Variants in ATG4A observed in about 807,000 individuals in gnomAD.
ATG4A encodes cysteine protease ATG4A.
ATG4A carries 22 observed loss-of-function variants against 38.4 expected under a neutral mutation model. The ratio of observed to expected loss-of-function variants is 0.57; its 90% CI spans 0.41 to 0.82. The LOEUF (loss-of-function observed/expected upper bound fraction) is 0.82. ATG4A is among the 40% of genes least tolerant of loss of function. The pLI is 0.00. For missense variants in ATG4A, 220 were observed against 290.0 expected (o/e 0.76, Z 1.75); for synonymous variants, 86 against 100.7 (o/e 0.85, Z 0.88).
chrX:108,097,654 T>C (rs1354381779), intron 1 of ATG4A, among the ~76,000 whole-genome samples: 1 of 112,236 alleles, frequency 8.9e-6, no homozygotes, highest in Non-Finnish European at 1.9e-5. Context: ...ACTAAATATT[T>C]TACCCAATGC....
At chrX:108,144,079 CAG>C (rs1410718967) in intron 9 of ATG4A, among the ~76,000 whole-genome samples, 1 of 109,283 alleles carries the variant, frequency 9.2e-6, no homozygotes, top group East Asian at 2.9e-4. Flanking sequence ...GTGCCTTGGT[CAG>C]AGTCTGTGTG....
chrX:108,122,799 C>T (rs1306643646), intron 1 of ATG4A, among the ~76,000 whole-genome samples: 7 of 112,263 alleles, frequency 6.2e-5, no homozygotes, highest in Middle Eastern at 4.6e-3. Context: ...TTCCAGCTAA[C>T]CACAAAGCTT....
At chrX:108,141,966 A>G (rs748653192) in intron 9 of ATG4A, among the ~76,000 whole-genome samples, 2 of 111,804 alleles carry the variant, frequency 1.8e-5, no homozygotes, top group East Asian at 5.6e-4. Context: ...GATTAGATAA[A>G]TAAAATGTGT....
At chrX:108,114,706 C>T (rs2032455819) in intron 1 of ATG4A, among the ~76,000 whole-genome samples, 1 of 111,619 alleles carries the variant, frequency 9.0e-6, no homozygotes, top group South Asian at 3.7e-4. Flanking sequence ...TGGAAAGTCC[C>T]TAGTTAGAGG....
Position 108,131,227 on chromosome X carries a change from AC to A in ATG4A, c.194-30del, listed in dbSNP as rs779498018. 3 of 1,170,437 alleles carry A rather than the reference AC, an allele frequency of 2.6e-6. No individual in the cohort carries two copies. The South Asian group carries it at 5.4e-5, about 21-fold the overall frequency. ...GTTTCAGGAAAGGGCAATTTGAGGA[AC>A]CCATATTAATTCCCTTCCATTTTGC... is the stretch of plus-strand genomic sequence containing the variant. On this transcript the variant is annotated intron_variant, in intron 3 of 12. Transcript: ENST00000372232.
chrX:108,090,302 A>G (rs2031568974), upstream of ATG4A, among the ~76,000 whole-genome samples: 1 of 112,139 alleles, frequency 8.9e-6, no homozygotes, highest in Admixed American at 9.4e-5. Context: ...TAAATCAGGA[A>G]CCAGACGAGA....
At chrX:108,129,373 A>G (rs1447231571) in intron 3 of ATG4A, among the ~76,000 whole-genome samples, 1 of 111,798 alleles carries the variant, frequency 8.9e-6, no homozygotes, top group Non-Finnish European at 1.9e-5. Context: ...ACAGCTCAAT[A>G]GGTGAAGTGA....
Position 108,126,542 on chromosome X carries a change from A to G in ATG4A, c.121+355A>G, listed in dbSNP as rs758845433. On this transcript the variant is annotated intron_variant, in intron 2 of 12. Coordinates refer to ENST00000372232, the MANE Select transcript of ATG4A (RefSeq NM_052936.5). ...CTCCTGGTATCACTAATCAGTCTCT[A>G]GCCTTTCGTGACTGGTCTACATATT... Among the ~76,000 whole-genome samples, 3 of 112,113 alleles carry G rather than the reference A, an allele frequency of 2.7e-5. No homozygotes were observed. The South Asian group carries it at 1.1e-3, about 42-fold the overall frequency.
At chrX:108,145,983 A>G (rs1382327140) in intron 9 of ATG4A, among the ~76,000 whole-genome samples, 3 of 111,951 alleles carry the variant, frequency 2.7e-5, no homozygotes, top group East Asian at 2.8e-4. Context: ...CCTGGAATCA[A>G]TGTCAGCTCA....
chrX:108,125,189 T>C (rs930442422), intron 1 of ATG4A, among the ~76,000 whole-genome samples: 2 of 110,770 alleles, frequency 1.8e-5, no homozygotes, highest in African/African-American at 6.6e-5. Flanking sequence ...AGATGGGGGT[T>C]GGCACTGAAA....
At chrX:108,113,276 A>G (rs181983617) in intron 1 of ATG4A, among the ~76,000 whole-genome samples, 2 of 111,711 alleles carry the variant, frequency 1.8e-5, no homozygotes, top group African/African-American at 3.3e-5. Context: ...TGGGGATACT[A>G]GAAAGAATAG....
chrX:108,123,404 T>C (rs761027140), intron 1 of ATG4A, among the ~76,000 whole-genome samples: 1 of 112,343 alleles, frequency 8.9e-6, no homozygotes, highest in South Asian at 3.7e-4. Context: ...AGTAATTGTA[T>C]TGGAAATGAT....
intron 9 of ATG4A, among the ~76,000 whole-genome samples, chrX:108,148,086 A>G (rs1351610673): frequency 2.4e-5 from 2 of 82,287 alleles, no homozygotes; most frequent in Non-Finnish European, 2.5e-5. Flanking sequence ...TGAGTTTATT[A>G]AGTATTAACT....
chrX:108,153,829 C>G lies in ATG4A; in HGVS notation c.*117C>G, dbSNP rs2033645956. The G allele has an allele frequency of 5.7e-6, 3 of 526,236 alleles. No individual in the cohort carries two copies. In the East Asian group the frequency reaches 1.0e-4, roughly 18 times the overall value. The allele number at this position is 526,236 out of a possible 1,213,427, so 43.4% of individuals were successfully genotyped here. On this transcript the variant is annotated 3_prime_UTR_variant, in exon 13 of 13. Transcript: ENST00000372232. ...CTGATATGCCAATAGCATACAAACT[C>G]AATAGCAATCATGACTGAGCCAATC...
chrX:108,095,339 C>T (rs910176669), intron 1 of ATG4A, among the ~76,000 whole-genome samples: 2 of 112,229 alleles, frequency 1.8e-5, no homozygotes, highest in Non-Finnish European at 3.8e-5. Flanking sequence ...ATCCTGTCAT[C>T]TCAGCCTCTG....
At chrX:108,141,058 GTGTATATATATACATATATATATATATA>G (rs2033259008) in intron 9 of ATG4A, among the ~76,000 whole-genome samples, 3 of 30,569 alleles carry the variant, frequency 9.8e-5, no homozygotes, top group African/African-American at 1.2e-4. Flanking sequence ...ACATATATAC[GTGTATATATATACATATATATATATATA>G]TATATATATA....
intron 1 of ATG4A, among the ~76,000 whole-genome samples, chrX:108,123,848 G>A (rs1490509514): frequency 1.8e-5 from 2 of 111,620 alleles, no homozygotes; most frequent in Non-Finnish European, 1.9e-5. Flanking sequence ...CTGAGACAGG[G>A]TTGGCAATAG....
intron 1 of ATG4A, among the ~76,000 whole-genome samples, chrX:108,120,161 T>A (rs765268299): frequency 8.9e-6 from 1 of 112,417 alleles, no homozygotes; most frequent in African/African-American, 3.2e-5. Flanking sequence ...CAACCAAATA[T>A]TTTTCTTCAT....
rs2033266905 is a variant in ATG4A, at chrX:108,141,071, C to CGTATAT, written c.814+2880_814+2881insGTATAT. Among the ~76,000 whole-genome samples, 68 of 35,031 alleles carry CGTATAT rather than the reference C, an allele frequency of 1.9e-3. 2 individuals are homozygous for CGTATAT. Among genetic ancestry groups the CGTATAT allele is most frequent in the East Asian group, 8.4e-3 (10 of 1,195 alleles). The allele number at this position is 35,031 out of a possible 115,157, so 30.4% of individuals were successfully genotyped here. A position where few individuals can be genotyped will look rare whatever the true frequency, so the allele number is the denominator to read the frequency against. ...ATACATATATACGTGTATATATATA[C>CGTATAT]ATATATATATATATATATATATATA... On this transcript the variant is annotated intron_variant, in intron 9 of 12. Coordinates refer to ENST00000372232, the MANE Select transcript of ATG4A (RefSeq NM_052936.5).
Sources: gnomAD v4.1 joint callset for allele counts (sites outside exome capture counted in the v4.1 genomes callset) on GRCh38, gnomAD v4.1.1 for gene constraint, MANE v1.5 for transcripts, NCBI Gene and HGNC (gene_info 2026-07-23, HGNC 2026-07-21) for gene names.